Variants in AGXT2 observed in about 807,000 individuals in gnomAD.
AGXT2 encodes alanine--glyoxylate aminotransferase 2, mitochondrial.
A neutral mutation model predicts 62.5 loss-of-function variants in AGXT2; 61 were observed. That is an observed-to-expected ratio of 0.98 (90% CI 0.79 to 1.21). The LOEUF (loss-of-function observed/expected upper bound fraction) is 1.21. Among genes scored for constraint, AGXT2 ranks in the 50% most tolerant of loss-of-function variants. The probability of loss-of-function intolerance (pLI) is 0.00; values close to 1 mark genes in which losing one functional copy is unlikely to be tolerated. For synonymous variants in AGXT2, 243 were observed against 218.7 expected (o/e 1.11, Z -0.98); for missense variants, 666 against 641.5 (o/e 1.04, Z -0.41).
chr5:35,042,069 T>C (rs1471436175), intron 1 of AGXT2, among the ~76,000 whole-genome samples: 1 of 152,178 alleles, frequency 6.6e-6, no homozygotes, highest in East Asian at 1.9e-4. Context: ...AATTCAAAAA[T>C]CCTTTCGTTT....
rs189227644 is a variant in AGXT2, at chr5:35,036,014, T to C, written c.487-698A>G. 9.3e-4 allele frequency among the ~76,000 whole-genome samples: 141 copies of C among 152,102 alleles called. 2 individuals carry two copies. Among genetic ancestry groups the C allele is most frequent in the Non-Finnish European group, 9.9e-4 (67 of 67,976 alleles). ...ATCACTTGAACCCAGGAGGCAGAGATTGCAGTGAGCCGAGATTGCGCCATT... is the reference window on the plus strand; with the variant it reads ...ATCACTTGAACCCAGGAGGCAGAGACTGCAGTGAGCCGAGATTGCGCCATT... On this transcript the variant is annotated intron_variant, in intron 4 of 13. Transcript: ENST00000231420.
At chr5:35,046,972 A>G (rs191206610) in intron 1 of AGXT2, among the ~76,000 whole-genome samples, 54 of 152,306 alleles carry the variant, frequency 3.5e-4, no homozygotes, top group African/African-American at 1.3e-3. Context: ...ACATCTCCTC[A>G]TATTTTCTGT....
intron 9 of AGXT2, among the ~76,000 whole-genome samples, chr5:35,014,751 T>C (rs1316147103): frequency 6.6e-6 from 1 of 152,172 alleles, no homozygotes; most frequent in African/African-American, 2.4e-5. Flanking sequence ...ACAGGGATCA[T>C]TATGATTAAC....
rs1246990476 is a variant in AGXT2 at position 35,009,871 on chromosome 5, G to T, written c.1338+129C>A. On this transcript the variant is annotated intron_variant, in intron 12 of 13. Transcript: ENST00000231420. ...TCAACACTCTCTACTAATCTCTAAA[G>T]GGCTTTGCTGAAATCTTGCTGTTTG... The T allele has an allele frequency of 8.7e-6, 11 of 1,264,256 alleles. No individual in the cohort carries two copies. The Admixed American group carries it at 1.8e-4, about 20-fold the overall frequency. The allele number at this position is 1,264,256 out of a possible 1,614,324, so 78.3% of individuals were successfully genotyped here. A position where few individuals can be genotyped will look rare whatever the true frequency, so the allele number is the denominator to read the frequency against.
intron 1 of AGXT2, among the ~76,000 whole-genome samples, chr5:35,045,771 T>TC (rs1768173578): frequency 2.4e-5 from 2 of 83,152 alleles, no homozygotes; most frequent in East Asian, 2.3e-4. Context: ...TTTCTTTTTT[T>TC]TTTTTTTTTT....
chr5:35,031,736 A>AGG (rs757290068), intron 7 of AGXT2, among the ~76,000 whole-genome samples: 22 of 152,194 alleles, frequency 1.4e-4, no homozygotes, highest in Admixed American at 4.6e-4. Flanking sequence ...GCCTGTAGGA[A>AGG]GGGCAGCCTT....
chr5:35,039,833 C>A (rs1429572352), intron 2 of AGXT2, among the ~76,000 whole-genome samples: 2 of 152,150 alleles, frequency 1.3e-5, no homozygotes, highest in Admixed American at 6.5e-5. Context: ...AACTAATAAG[C>A]AATTAGTCTG....
At chr5:35,010,573 T>C (rs1029535257) in intron 11 of AGXT2, among the ~76,000 whole-genome samples, 2 of 151,846 alleles carry the variant, frequency 1.3e-5, no homozygotes, top group African/African-American at 4.8e-5. Context: ...TAGTCCCAGC[T>C]ATTCGGGAGG....
chr5:35,027,144 C>A (rs1457067848), intron 7 of AGXT2: 1 of 400,706 alleles, frequency 2.5e-6, no homozygotes, highest in East Asian at 1.6e-4. Context: ...ATACTTTGTT[C>A]ATTTCTAAAA....
chr5:35,015,943 A>G (rs1380604493), intron 9 of AGXT2, among the ~76,000 whole-genome samples: 1 of 151,196 alleles, frequency 6.6e-6, no homozygotes, highest in African/African-American at 2.4e-5. Context: ...ATTAGATGAT[A>G]GTGACCAGTG....
At position 35,001,371 on chromosome 5, in the gene AGXT2, C is replaced by T. The variant is rs539110123; in HGVS notation, c.1437+2392G>A. Among the ~76,000 whole-genome samples the T allele has an allele frequency of 3.3e-5, 5 of 150,244 alleles. No individual in the cohort carries two copies. In the South Asian group the frequency reaches 1.1e-3, roughly 32 times the overall value. ...AATATCTCCTCTATCTCTACTACCA[C>T]AGCTCAGGTTCAAACAGCCTCCTTG... is the stretch of plus-strand genomic sequence containing the variant. On this transcript the variant is annotated intron_variant, in intron 13 of 13. Transcript: ENST00000231420.
At chr5:35,007,282 C>T (rs1459984737) in intron 12 of AGXT2, among the ~76,000 whole-genome samples, 2 of 152,206 alleles carry the variant, frequency 1.3e-5, no homozygotes, top group Non-Finnish European at 2.9e-5. Flanking sequence ...GTCTCCAGAA[C>T]CATGAGGAAT....
intron 11 of AGXT2, 43 bp downstream of exon 11, chr5:35,012,911 C>A: frequency 1.3e-6 from 2 of 1,519,740 alleles, no homozygotes; most frequent in South Asian, 2.4e-5. Flanking sequence ...TTGAAAGAGT[C>A]ATTTGTGAAA....
In AGXT2 at chr5:35,013,012, T is replaced by A. The variant is rs142665211; in HGVS notation, c.1130A>T (p.His377Leu). Residue 377 changes from histidine (H) to leucine (L), a missense_variant, in exon 11 of 14, where the codon CAC (histidine) becomes CTC (leucine). By Grantham distance (99) the His-to-Leu change is moderately conservative. Transcript: ENST00000231420. ...GGGGTTCCCTCCAAAGGTGTTGAAGTGCTGCAGGCATTTCGCCAAAGATTT... is the reference window on the plus strand; with the variant it reads ...GGGGTTCCCTCCAAAGGTGTTGAAGAGCTGCAGGCATTTCGCCAAAGATTT... Reference protein sequence around the residue: ...IAKSLAKCLQHFNTFGGNPMA... With the variant: ...IAKSLAKCLQLFNTFGGNPMA... 1 of 1,551,724 alleles carries A rather than the reference T, an allele frequency of 6.4e-7. No homozygotes were observed. Among genetic ancestry groups the A allele is most frequent in the Non-Finnish European group, 8.7e-7 (1 of 1,146,992 alleles).
chr5:35,045,245 G>C (rs1273822262), intron 1 of AGXT2, among the ~76,000 whole-genome samples: 1 of 152,142 alleles, frequency 6.6e-6, no homozygotes, highest in African/African-American at 2.4e-5. Context: ...TAACTATGTA[G>C]ATACTATACA....
intron 7 of AGXT2, among the ~76,000 whole-genome samples, chr5:35,028,213 C>A (rs766614854): frequency 6.6e-6 from 1 of 152,034 alleles, no homozygotes; most frequent in Non-Finnish European, 1.5e-5. Context: ...TTTCTTGTAT[C>A]CATGCTTTGA....
chr5:35,017,098 C>G (rs1766870619), intron 9 of AGXT2, among the ~76,000 whole-genome samples: 1 of 152,158 alleles, frequency 6.6e-6, no homozygotes, highest in Non-Finnish European at 1.5e-5. Context: ...TAAGACTGCT[C>G]CTTGACAGAA....
intron 2 of AGXT2, 131 bp from the exon 3 acceptor site, chr5:35,039,639 G>A (rs991018314): frequency 5.6e-5 from 49 of 872,806 alleles, no homozygotes; most frequent in South Asian, 3.2e-4. Flanking sequence ...TCAGAAGTGC[G>A]TGTACTTACC....
chr5:35,025,029 G>T (rs1488310531), intron 9 of AGXT2, among the ~76,000 whole-genome samples: 2 of 152,032 alleles, frequency 1.3e-5, no homozygotes, highest in Non-Finnish European at 2.9e-5. Flanking sequence ...TTGTCAGAAA[G>T]GTATATGCTG....
Sources: gnomAD v4.1 joint callset for allele counts (sites outside exome capture counted in the v4.1 genomes callset) on GRCh38, gnomAD v4.1.1 for gene constraint, MANE v1.5 for transcripts, NCBI Gene and HGNC (gene_info 2026-07-23, HGNC 2026-07-21) for gene names.